The following TBC1D15 variants were observed in gnomAD, a reference collection of about 807,000 sequenced individuals.
TBC1D15 encodes the protein TBC1 domain family member 15.
In TBC1D15, 39 loss-of-function variants were observed where a neutral mutation model predicts 95.4. That is an observed-to-expected ratio of 0.41 (90% CI 0.32 to 0.53). The LOEUF (loss-of-function observed/expected upper bound fraction) is 0.53. Ranked by LOEUF, TBC1D15 falls within the 20% of genes least tolerant of loss-of-function variation. The probability of loss-of-function intolerance (pLI) is 0.29; values close to 1 mark genes in which losing one functional copy is unlikely to be tolerated. For synonymous variants in TBC1D15, 258 were observed against 261.3 expected, an observed-to-expected ratio of 0.99 and a Z score of 0.12; for missense variants, 733 against 794.3, an observed-to-expected ratio of 0.92 and a Z score of 0.93.
intron 1 of TBC1D15, among the ~76,000 whole-genome samples, chr12:71,844,077 T>C (rs1885723623): frequency 6.6e-6 from 1 of 152,188 alleles, no homozygotes; most frequent in African/African-American, 2.4e-5. Context: ...ATCTAATCAG[T>C]CATGAAGTCT....
At position 71,862,124 on chromosome 12, in the gene TBC1D15, T is replaced by G. The variant is rs151109326; in HGVS notation, c.31-9946T>G. On this transcript the variant is annotated intron_variant, in intron 1 of 16. Transcript: ENST00000485960. ...ATGTTCTGTCCTAGGGTATTGGCCA[T>G]GTGTTGATGAAAAGAGTGTATTATG... Among the ~76,000 whole-genome samples the G allele has an allele frequency of 6.2e-4, 95 of 152,270 alleles. No individual in the cohort carries two copies. The East Asian group carries it at 0.017, about 27-fold the overall frequency.
chr12:71,875,145 G>T (rs1009787778), intron 3 of TBC1D15, among the ~76,000 whole-genome samples: 1 of 151,992 alleles, frequency 6.6e-6, no homozygotes, highest in African/African-American at 2.4e-5. Flanking sequence ...CAGCATGTTG[G>T]CTAGGCTGGT....
chr12:71,858,885 A>G (rs1889745074), intron 1 of TBC1D15, among the ~76,000 whole-genome samples: 2 of 151,440 alleles, frequency 1.3e-5, no homozygotes, highest in South Asian at 2.1e-4. Flanking sequence ...AGGAACTTTC[A>G]TACTGTTTTC....
chr12:71,890,471 A>G (rs1229918624), intron 5 of TBC1D15, among the ~76,000 whole-genome samples: 2 of 152,112 alleles, frequency 1.3e-5, no homozygotes, highest in Non-Finnish European at 2.9e-5. Context: ...TAAATTGAGG[A>G]ATGTGGCTTG....
At chr12:71,908,680 T>G (rs531512730) in intron 11 of TBC1D15, among the ~76,000 whole-genome samples, 1 of 152,184 alleles carries the variant, frequency 6.6e-6, no homozygotes, top group Non-Finnish European at 1.5e-5. Context: ...GAACCTATAA[T>G]GAGCTTCAGA....
chr12:71,861,558 A>C, intron 1 of TBC1D15: 1 of 1,387,932 alleles, frequency 7.2e-7, no homozygotes, highest in South Asian at 1.6e-5. Context: ...ATAGTTTTTA[A>C]ATTTCTGATT....
chr12:71,866,470 C>T (rs1362047367), intron 1 of TBC1D15, among the ~76,000 whole-genome samples: 1 of 152,174 alleles, frequency 6.6e-6, no homozygotes, highest in East Asian at 1.9e-4. Context: ...GGAAGAAGTT[C>T]CTCCTGGTTC....
rs543908463 is a variant in TBC1D15, at chr12:71,918,132, G to T, written c.1502-319G>T. On this transcript the variant is annotated intron_variant, in intron 13 of 16. Transcript: ENST00000485960. ...ATCACTCCACTGCACTCCGACCTGG[G>T]TGACATAGCAAGACACTGTCTCAAT... Among the ~76,000 whole-genome samples the T allele has an allele frequency of 1.3e-5, 2 of 152,256 alleles. 1 individual carries two copies. Among genetic ancestry groups the T allele is most frequent in the South Asian group, 4.1e-4 (2 of 4,826 alleles).
intron 14 of TBC1D15, 32 bp downstream of exon 14, chr12:71,918,580 AT>A: frequency 7.6e-7 from 1 of 1,317,588 alleles, no homozygotes. Flanking sequence ...CAAATGTGAT[AT>A]TTATTATGAA....
At chr12:71,900,179 T>A (rs1469545496) in intron 10 of TBC1D15, among the ~76,000 whole-genome samples, 1 of 152,040 alleles carries the variant, frequency 6.6e-6, no homozygotes, top group Non-Finnish European at 1.5e-5. Context: ...TATATATACC[T>A]TAAGGTGAAA....
chr12:71,866,900 A>AT (rs1326714689), intron 1 of TBC1D15, among the ~76,000 whole-genome samples: 1 of 152,218 alleles, frequency 6.6e-6, no homozygotes, highest in Non-Finnish European at 1.5e-5. Context: ...ATTTTGGGCT[A>AT]TTTAAAATAG....
chr12:71,861,575 G>T, intron 1 of TBC1D15: 1 of 1,314,874 alleles, frequency 7.6e-7, no homozygotes, highest in Non-Finnish European at 1.0e-6. Context: ...GATTTTATTT[G>T]GGTCTTTTCA....
chr12:71,888,600 A>C (rs970867391), intron 5 of TBC1D15, among the ~76,000 whole-genome samples: 1 of 152,170 alleles, frequency 6.6e-6, no homozygotes, highest in Non-Finnish European at 1.5e-5. Flanking sequence ...CTTGACACCT[A>C]CAGGCTTTCC....
At chr12:71,898,693 C>T (rs1200761794) in intron 10 of TBC1D15, among the ~76,000 whole-genome samples, 2 of 152,008 alleles carry the variant, frequency 1.3e-5, no homozygotes, top group African/African-American at 4.8e-5. Context: ...TTTGAAATTC[C>T]TATATTGTAT....
chr12:71,856,930 C>G (rs1889217551), intron 1 of TBC1D15, among the ~76,000 whole-genome samples: 1 of 152,056 alleles, frequency 6.6e-6, no homozygotes, highest in Non-Finnish European at 1.5e-5. Context: ...GATTTTCTTG[C>G]AGTTTTTTCA....
chr12:71,879,655 A>G (rs1031643680), intron 3 of TBC1D15, among the ~76,000 whole-genome samples: 65 of 152,108 alleles, frequency 4.3e-4, no homozygotes, highest in Non-Finnish European at 8.8e-4. Flanking sequence ...GAAATCTGTC[A>G]ACTTGCTTTT....
chr12:71,867,768 C>T lies in TBC1D15; in HGVS notation c.31-4302C>T, dbSNP rs112739501. ...CCTTCCAAAGTGCTGGGATTACAGG[C>T]GTGAGCCACCGTACCCAGCCAAGGA... On this transcript the variant is annotated intron_variant, in intron 1 of 16. Transcript: ENST00000485960. Among the ~76,000 whole-genome samples, 932 of 152,262 alleles carry T rather than the reference C, an allele frequency of 6.1e-3. 5 individuals carry two copies. The highest frequency in any genetic ancestry group is 0.022 in the African/African-American group (896 of 41,538).
intron 1 of TBC1D15, among the ~76,000 whole-genome samples, chr12:71,846,183 A>G (rs904884389): frequency 2.0e-4 from 30 of 152,236 alleles, no homozygotes; most frequent in African/African-American, 7.2e-4. Context: ...TATATCTGAC[A>G]TAGCTCCTTT....
chr12:71,903,857 T>C (rs1220579887), intron 10 of TBC1D15, among the ~76,000 whole-genome samples: 1 of 151,808 alleles, frequency 6.6e-6, no homozygotes. Flanking sequence ...TGTTTGAGAG[T>C]GAAGGGTGGT....
Sources: gnomAD v4.1 joint callset for allele counts (sites outside exome capture counted in the v4.1 genomes callset) on GRCh38, gnomAD v4.1.1 for gene constraint, MANE v1.5 for transcripts, NCBI Gene and HGNC (gene_info 2026-07-23, HGNC 2026-07-21) for gene names.